The following CTNND2 variants were observed in gnomAD, a reference collection of about 807,000 sequenced individuals.
CTNND2 encodes catenin delta 2.
Under a neutral mutation model 144.4 loss-of-function variants are expected in CTNND2, and 22 were observed. The observed-to-expected ratio is 0.15, with a 90% CI of 0.11 to 0.22. CTNND2 has a LOEUF of 0.22. Ranked by LOEUF, CTNND2 falls within the 10% of genes least tolerant of loss-of-function variation. CTNND2 has a pLI of 1.00. For missense variants in CTNND2, 1,353 were observed against 1,618.8 expected (o/e 0.84, Z 2.82); for synonymous variants, 751 against 695.6 (o/e 1.08, Z -1.25).
At chr5:11,082,390 GAAAC>G (rs1189334642) in intron 16 of CTNND2, among the ~76,000 whole-genome samples, 5 of 152,144 alleles carry the variant, frequency 3.3e-5, no homozygotes, top group Non-Finnish European at 5.9e-5. Context: ...CACTGCATGG[GAAAC>G]AAACAAACAG....
intron 9 of CTNND2, among the ~76,000 whole-genome samples, chr5:11,299,748 C>T (rs940293453): frequency 1.3e-5 from 2 of 152,126 alleles, no homozygotes; most frequent in African/African-American, 2.4e-5. Flanking sequence ...AGAACAAGTG[C>T]AAAACCATAA....
At chr5:11,213,830 T>C (rs1387074638) in intron 10 of CTNND2, among the ~76,000 whole-genome samples, 1 of 152,158 alleles carries the variant, frequency 6.6e-6, no homozygotes, top group East Asian at 1.9e-4. Flanking sequence ...TATATATATA[T>C]ATAGTATAAT....
At chr5:11,185,010 G>A (rs1735478131) in intron 11 of CTNND2, among the ~76,000 whole-genome samples, 2 of 152,138 alleles carry the variant, frequency 1.3e-5, no homozygotes, top group African/African-American at 4.8e-5. Context: ...GAACACACAT[G>A]CCCACCCCTG....
intron 3 of CTNND2, among the ~76,000 whole-genome samples, chr5:11,458,926 T>A (rs1765959869): frequency 6.7e-6 from 1 of 150,212 alleles, no homozygotes; most frequent in Non-Finnish European, 1.5e-5. Context: ...CCACCACGAC[T>A]GTTTCTTTTC....
intron 18 of CTNND2, among the ~76,000 whole-genome samples, chr5:10,994,470 G>C (rs573478754): frequency 1.1e-4 from 14 of 125,332 alleles, no homozygotes; most frequent in Middle Eastern, 9.6e-3. Context: ...AAGGAGGAAG[G>C]GGGGCGGGGA....
intron 21 of CTNND2, among the ~76,000 whole-genome samples, chr5:10,976,468 G>C (rs1295659545): frequency 6.6e-6 from 1 of 152,214 alleles, no homozygotes; most frequent in Non-Finnish European, 1.5e-5. Flanking sequence ...CTGGGTGTCT[G>C]TTACGGTCTA....
chr5:11,860,313 C>T (rs1442663519), intron 1 of CTNND2, among the ~76,000 whole-genome samples: 1 of 152,200 alleles, frequency 6.6e-6, no homozygotes, highest in Non-Finnish European at 1.5e-5. Flanking sequence ...TGCTGGACAA[C>T]TCCGTTCTTA....
intron 3 of CTNND2, among the ~76,000 whole-genome samples, chr5:11,435,631 C>A (rs31820): frequency 0.23 from 34,519 of 152,100 alleles, 7,633 homozygotes; most frequent in African/African-American, 0.58. Context: ...CTCTGGCTGT[C>A]GCTGGCCAAC....
intron 2 of CTNND2, among the ~76,000 whole-genome samples, chr5:11,565,573 C>CA (rs142107739): frequency 0.034 from 5,152 of 152,284 alleles, 296 homozygotes; most frequent in African/African-American, 0.11. Flanking sequence ...AACCCACACT[C>CA]TTCATAACTT....
chr5:11,813,633 C>A (rs1792467902), intron 1 of CTNND2, among the ~76,000 whole-genome samples: 1 of 152,146 alleles, frequency 6.6e-6, no homozygotes, highest in African/African-American at 2.4e-5. Flanking sequence ...AAAGAGTCCA[C>A]ATCTGTTTTA....
chr5:11,427,487 C>T (rs555362852), intron 3 of CTNND2, among the ~76,000 whole-genome samples: 2 of 152,074 alleles, frequency 1.3e-5, no homozygotes, highest in South Asian at 4.2e-4. Context: ...ACCATGTTGG[C>T]TAGACTGGTC....
chr5:11,741,190 C>A (rs1363672903), intron 1 of CTNND2, among the ~76,000 whole-genome samples: 1 of 152,142 alleles, frequency 6.6e-6, no homozygotes, highest in Non-Finnish European at 1.5e-5. Context: ...ACTAGAAATA[C>A]CATTTGGCCA....
chr5:11,683,786 A>T (rs537547856), intron 2 of CTNND2, among the ~76,000 whole-genome samples: 1 of 152,360 alleles, frequency 6.6e-6, no homozygotes, highest in Non-Finnish European at 1.5e-5. Flanking sequence ...TGGAGAAACA[A>T]CATATAAAGC....
chr5:11,260,065 T>C (rs1197497698), intron 9 of CTNND2, among the ~76,000 whole-genome samples: 4 of 152,334 alleles, frequency 2.6e-5, no homozygotes, highest in African/African-American at 9.6e-5. Context: ...TATCAGTCTG[T>C]TTCATTACAT....
chr5:11,102,948 G>C (rs540223685), intron 14 of CTNND2, among the ~76,000 whole-genome samples: 11 of 149,678 alleles, frequency 7.3e-5, no homozygotes, highest in African/African-American at 2.2e-4. Flanking sequence ...CTTCCATGCA[G>C]GGCTTAAATT....
chr5:11,571,204 A>G (rs1268830581), intron 2 of CTNND2, among the ~76,000 whole-genome samples: 1 of 151,700 alleles, frequency 6.6e-6, no homozygotes, highest in Non-Finnish European at 1.5e-5. Flanking sequence ...GTTTGTTTTA[A>G]ATATGTATTT....
Position 11,739,828 on chromosome 5 carries a change from A to G in CTNND2, c.38-7556T>C, listed in dbSNP as rs943906068. 5.3e-5 allele frequency among the ~76,000 whole-genome samples: 8 copies of G among 152,222 alleles called. 1 individual carries two copies. Among genetic ancestry groups the G allele is most frequent in the Admixed American group, 1.3e-4 (2 of 15,284 alleles). The stretch of plus-strand genomic sequence containing the variant: ...CAGCCCAAAATCTCCTTAAGCTGAT[A>G]GGCAACTTCAGCAAAGTCTCAGGAT... On this transcript the variant is annotated intron_variant, in intron 1 of 21. Transcript: ENST00000304623.
intron 1 of CTNND2, among the ~76,000 whole-genome samples, chr5:11,831,118 C>A (rs1036002246): frequency 1.2e-4 from 18 of 151,724 alleles, no homozygotes; most frequent in Admixed American, 5.3e-4. Flanking sequence ...TAGATTCTTT[C>A]CAAACTGTTG....
intron 2 of CTNND2, among the ~76,000 whole-genome samples, chr5:11,595,742 C>G (rs985956056): frequency 6.6e-6 from 1 of 152,158 alleles, no homozygotes; most frequent in Non-Finnish European, 1.5e-5. Flanking sequence ...CATGCTTTTA[C>G]ATTTTTGGGA....
Sources: allele counts gnomAD v4.1 joint callset (sites outside exome capture counted in the v4.1 genomes callset), GRCh38; gene constraint gnomAD v4.1.1; transcripts MANE v1.5; gene names NCBI Gene and HGNC (gene_info 2026-07-23, HGNC 2026-07-21).